SBF2: variants seen among roughly 807,000 people sequenced by gnomAD.
SBF2 encodes the protein SET binding factor 2, also known as myotubularin-related protein 13.
A neutral mutation model predicts 225.2 loss-of-function variants in SBF2; 112 were observed. The ratio of observed to expected loss-of-function variants is 0.50; its 90% CI spans 0.43 to 0.58. The LOEUF (loss-of-function observed/expected upper bound fraction) is 0.58. Among genes scored for constraint, SBF2 ranks in the 20% least tolerant of loss-of-function variants. The probability of loss-of-function intolerance (pLI) is 0.00; values close to 1 mark genes in which losing one functional copy is unlikely to be tolerated. For missense variants in SBF2, 1,996 were observed against 2,206.2 expected, an observed-to-expected ratio of 0.90 and a Z score of 1.91; for synonymous variants, 763 against 773.3, an observed-to-expected ratio of 0.99 and a Z score of 0.22.
chr11:9,789,541 T>C (rs550368511), intron 34 of SBF2, among the ~76,000 whole-genome samples, 199 bp from the exon 35 acceptor site: 21 of 152,290 alleles, frequency 1.4e-4, no homozygotes, highest in East Asian at 7.7e-4. Context: ...CCCTCCTACA[T>C]TGAGAAATGT....
At chr11:9,873,429 T>C (rs2134057304) in intron 17 of SBF2, among the ~76,000 whole-genome samples, 1 of 152,256 alleles carries the variant, frequency 6.6e-6, no homozygotes, top group African/African-American at 2.4e-5. Flanking sequence ...AGGGCAGCTC[T>C]AGCACATGAA....
In SBF2 at chr11:10,171,809, C is replaced by T. The variant is rs1208129476; in HGVS notation, c.141+22093G>A. Among the ~76,000 whole-genome samples, 6 of 152,230 alleles carry T rather than the reference C, an allele frequency of 3.9e-5. No individual in the cohort carries two copies. In the South Asian group the frequency reaches 1.2e-3, roughly 32 times the overall value. Reference sequence around the variant, plus strand: ...TTTGCTGGGAGACTTTTTATTACGGCTTTGATCTTGTTACTTGTTATTGGT... The same window carrying T: ...TTTGCTGGGAGACTTTTTATTACGGTTTTGATCTTGTTACTTGTTATTGGT... On this transcript the variant is annotated intron_variant, in intron 2 of 39. Transcript: ENST00000256190.
At chr11:10,223,402 TATATATATATA>T (rs1958416362) in intron 1 of SBF2, among the ~76,000 whole-genome samples, 6 of 58,390 alleles carry the variant, frequency 1.0e-4, no homozygotes, top group Non-Finnish European at 1.5e-4. Context: ...TTGCACATTA[TATATATATATA>T]TATATATATA....
In SBF2 at chr11:9,781,567, G is replaced by T. The variant is rs771663871; in HGVS notation, c.5391C>A (p.Val1797=). 3 of 1,614,196 alleles carry T rather than the reference G, an allele frequency of 1.9e-6. No individual in the cohort carries two copies. Among genetic ancestry groups the T allele is most frequent in the Non-Finnish European group, 8.5e-7 (1 of 1,180,022 alleles). The change falls in exon 39 of 40, where the codon GTC becomes GTA. Residue 1797 remains valine, a synonymous_variant. Coordinates refer to ENST00000256190, the MANE Select transcript of SBF2 (RefSeq NM_030962.4). ...CTCCCATGCTGGGGCCAGCAGGGAT[G>T]ACCATTTCTACTTCAGCCAGATCAA... ...GHIDLAEVEM[V]IPAGPSMGAP...
Position 9,842,629 on chromosome 11 carries a change from T to C in SBF2, c.3252A>G (p.Val1084=). ...GAAATTCAAGTTTTCACATACCAGA[T>C]ACATCATCATCTTCATTCCATCCAG... ...NRPGWNEDDD[V]SVSDESELPT... Residue 1084 remains valine (V), a synonymous_variant, in exon 25 of 40, where the codon GTA becomes GTG. Transcript: ENST00000256190. 1 of 1,613,998 alleles carries C rather than the reference T, an allele frequency of 6.2e-7. No individual in the cohort carries two copies. The highest frequency in any genetic ancestry group is 8.5e-7 in the Non-Finnish European group (1 of 1,179,922).
intron 2 of SBF2, among the ~76,000 whole-genome samples, chr11:10,066,466 C>A (rs1307325618): frequency 2.6e-5 from 4 of 151,888 alleles, no homozygotes; most frequent in Non-Finnish European, 5.9e-5. Context: ...GAAAAGCAAT[C>A]AACAGAATTC....
chr11:10,167,412 T>A (rs1234443393), intron 2 of SBF2, among the ~76,000 whole-genome samples: 2 of 151,722 alleles, frequency 1.3e-5, no homozygotes, highest in African/African-American at 4.8e-5. Flanking sequence ...AAAATAAAAA[T>A]TAAAAAATTA....
intron 2 of SBF2, among the ~76,000 whole-genome samples, chr11:10,066,351 T>G (rs1353432600): frequency 2.6e-5 from 4 of 151,052 alleles, no homozygotes; most frequent in African/African-American, 9.7e-5. Flanking sequence ...TATCTATATA[T>G]ATATATCTTT....
chr11:10,167,792 C>A (rs1444645979), intron 2 of SBF2, among the ~76,000 whole-genome samples: 2 of 152,018 alleles, frequency 1.3e-5, no homozygotes, highest in East Asian at 3.9e-4. Context: ...CTGAGGAAGG[C>A]GGATCACCTG....
At chr11:9,910,327 C>T (rs1156276606) in intron 16 of SBF2, among the ~76,000 whole-genome samples, 1 of 152,192 alleles carries the variant, frequency 6.6e-6, no homozygotes, top group Admixed American at 6.6e-5. Flanking sequence ...AACAAACCTA[C>T]TGTGCTGCCA....
At chr11:9,943,411 C>T (rs1288405663) in intron 16 of SBF2, among the ~76,000 whole-genome samples, 1 of 151,798 alleles carries the variant, frequency 6.6e-6, no homozygotes. Flanking sequence ...AACATATTTG[C>T]CAAAAGACAT....
intron 2 of SBF2, among the ~76,000 whole-genome samples, chr11:10,060,059 C>T (rs1950375423): frequency 1.3e-5 from 2 of 151,958 alleles, no homozygotes. Flanking sequence ...CACTGAGACA[C>T]AAAAAGTCAT....
At chr11:9,832,451 A>T (rs1407551899) in intron 26 of SBF2, 31 bp from the exon 27 acceptor site, 2 of 1,532,518 alleles carry the variant, frequency 1.3e-6, no homozygotes, top group African/African-American at 1.4e-5. Flanking sequence ...GAAGAGAATG[A>T]TTGGGGGAAG....
chr11:10,063,858 CAGAGAG>C (rs1555006975), intron 2 of SBF2, among the ~76,000 whole-genome samples: 1 of 136,168 alleles, frequency 7.3e-6, no homozygotes. Context: ...CACACACACA[CAGAGAG>C]AGAGAGAGAG....
chr11:10,267,875 AT>A (rs1474021668), intron 1 of SBF2, among the ~76,000 whole-genome samples: 2 of 152,220 alleles, frequency 1.3e-5, no homozygotes, highest in Non-Finnish European at 1.5e-5. Context: ...GTGTTTCACT[AT>A]CTTAAATGAA....
At chr11:10,206,093 T>G (rs1381870939) in intron 1 of SBF2, among the ~76,000 whole-genome samples, 1 of 151,456 alleles carries the variant, frequency 6.6e-6, no homozygotes, top group Non-Finnish European at 1.5e-5. Flanking sequence ...GCACCAATAA[T>G]GAACATCGTG....
chr11:9,813,034 G>A (rs1854279665), intron 29 of SBF2, among the ~76,000 whole-genome samples: 1 of 152,106 alleles, frequency 6.6e-6, no homozygotes, highest in Admixed American at 6.5e-5. Flanking sequence ...CCAAATATAA[G>A]TCAATTATAA....
At chr11:9,854,837 C>A (rs188417300) in intron 19 of SBF2, among the ~76,000 whole-genome samples, 15 of 152,188 alleles carry the variant, frequency 9.9e-5, no homozygotes, top group African/African-American at 3.6e-4. Context: ...GCAATCCTCC[C>A]ACTTCGGTCT....
At chr11:10,235,464 T>G (rs1591279892) in intron 1 of SBF2, among the ~76,000 whole-genome samples, 1 of 151,128 alleles carries the variant, frequency 6.6e-6, no homozygotes, top group Non-Finnish European at 1.5e-5. Context: ...GAGGGAGAGG[T>G]TGCGGTGAGC....
Sources: allele counts gnomAD v4.1 joint callset (sites outside exome capture counted in the v4.1 genomes callset), GRCh38; gene constraint gnomAD v4.1.1; transcripts MANE v1.5; gene names NCBI Gene and HGNC (gene_info 2026-07-23, HGNC 2026-07-21).